RPS6KA5: variants seen among roughly 807,000 people sequenced by gnomAD.
RPS6KA5 encodes ribosomal protein S6 kinase A5, also known as ribosomal protein S6 kinase alpha-5.
RPS6KA5 carries 27 observed loss-of-function variants against 85.5 expected under a neutral mutation model. The ratio of observed to expected loss-of-function variants is 0.32; its 90% CI spans 0.23 to 0.44. The LOEUF (loss-of-function observed/expected upper bound fraction) is 0.44, where lower values mean the gene tolerates loss of function less well. Ranked by LOEUF, RPS6KA5 falls within the 20% of genes least tolerant of loss-of-function variation. The pLI, the probability that RPS6KA5 is intolerant of heterozygous loss-of-function variation, is 1.00. For missense variants in RPS6KA5, 811 were observed against 980.9 expected (o/e 0.83, Z 2.31); for synonymous variants, 334 against 348.2 (o/e 0.96, Z 0.46).
intron 5 of RPS6KA5, among the ~76,000 whole-genome samples, chr14:90,937,189 C>A (rs2037304774): frequency 6.6e-6 from 1 of 151,990 alleles, no homozygotes; most frequent in African/African-American, 2.4e-5. Context: ...TTCAGTACTA[C>A]CAGGCAGTCA....
chr14:90,924,644 T>C (rs2036568741), intron 5 of RPS6KA5, among the ~76,000 whole-genome samples: 1 of 152,202 alleles, frequency 6.6e-6, no homozygotes, highest in Non-Finnish European at 1.5e-5. Flanking sequence ...AAAATGTGAA[T>C]GAAAATTTAC....
intron 1 of RPS6KA5, among the ~76,000 whole-genome samples, chr14:91,011,755 A>C (rs1020360023): frequency 2.6e-5 from 4 of 152,198 alleles, no homozygotes; most frequent in African/African-American, 9.7e-5. Context: ...AAATATGAAA[A>C]GACGAATAGC....
rs927301928 is a variant in RPS6KA5, at chr14:90,862,395, T to C, written c.*9679A>G. On this transcript the variant is annotated 3_prime_UTR_variant, in exon 17 of 17. Coordinates refer to ENST00000614987, the MANE Select transcript of RPS6KA5 (RefSeq NM_004755.4). Reference sequence around the variant, plus strand: ...TCTTGATACCAAAACTTGACAAAAATATTAAAGACAGAAAAATTACAGGTC... The same window carrying C: ...TCTTGATACCAAAACTTGACAAAAACATTAAAGACAGAAAAATTACAGGTC... 6.6e-6 allele frequency: 1 copy of C among 152,080 alleles called. No homozygotes were observed. The highest frequency in any genetic ancestry group is 1.5e-5 in the Non-Finnish European group (1 of 68,006). The allele number at this position is 152,080 out of a possible 1,614,324, so 9.4% of individuals were successfully genotyped here. A position where few individuals can be genotyped will look rare whatever the true frequency, so the allele number is the denominator to read the frequency against.
Position 90,983,231 on chromosome 14 carries a change from C to G in RPS6KA5, c.176-4707G>C, listed in dbSNP as rs544581972. ...GGCAAAGGTTGCAGTTAGCCAAGGTCGCGCCATTTCACTCCAGCCTGGGGG... is the reference window on the plus strand; with the variant it reads ...GGCAAAGGTTGCAGTTAGCCAAGGTGGCGCCATTTCACTCCAGCCTGGGGG... On this transcript the variant is annotated intron_variant, in intron 2 of 16. Transcript: ENST00000614987. Among the ~76,000 whole-genome samples, 1,305 of 148,460 alleles carry G rather than the reference C, an allele frequency of 8.8e-3. 9 individuals carry two copies. The highest frequency in any genetic ancestry group is 0.014 in the Middle Eastern group (4 of 290).
At chr14:90,906,339 G>T in intron 7 of RPS6KA5, 40 bp from the exon 8 acceptor site, 7 of 1,293,534 alleles carry the variant, frequency 5.4e-6, no homozygotes, top group Middle Eastern at 2.2e-4. Context: ...CAAACAGGAT[G>T]ACAAAAAAAA....
At chr14:91,022,101 A>G (rs970165639) in intron 1 of RPS6KA5, among the ~76,000 whole-genome samples, 2 of 152,250 alleles carry the variant, frequency 1.3e-5, no homozygotes, top group Admixed American at 6.5e-5. Flanking sequence ...TATTGTATAC[A>G]TATGTGGTAT....
chr14:91,053,445 TA>T (rs1483959193), intron 1 of RPS6KA5, among the ~76,000 whole-genome samples: 2 of 152,154 alleles, frequency 1.3e-5, no homozygotes, highest in African/African-American at 2.4e-5. Flanking sequence ...CACAATCTTA[TA>T]AATAGAAAAT....
At chr14:90,878,441 G>GACTC in intron 14 of RPS6KA5, among the ~76,000 whole-genome samples, 1 of 152,168 alleles carries the variant, frequency 6.6e-6, no homozygotes. Context: ...CTATTTCCCT[G>GACTC]ACTCTTGCTA....
chr14:91,030,011 C>T (rs1445211599), intron 1 of RPS6KA5, among the ~76,000 whole-genome samples: 1 of 152,080 alleles, frequency 6.6e-6, no homozygotes, highest in African/African-American at 2.4e-5. Flanking sequence ...AGGTAAATGA[C>T]TCAGCAGAAT....
chr14:90,945,607 C>T lies in RPS6KA5; in HGVS notation c.510+1828G>A, dbSNP rs1286114. ...GGTAGTAAGATTAAGAGAAGGTTAA[C>T]CAAGAGTTCATTTACTATATTACTC... On this transcript the variant is annotated intron_variant, in intron 4 of 16. Coordinates refer to ENST00000614987, the MANE Select transcript of RPS6KA5 (RefSeq NM_004755.4). Among the ~76,000 whole-genome samples, 1,486 of 152,216 alleles carry T rather than the reference C, an allele frequency of 9.8e-3. 25 individuals carry two copies. Among genetic ancestry groups the T allele is most frequent in the African/African-American group, 0.034 (1,430 of 41,514 alleles).
At position 90,905,156 on chromosome 14, in the gene RPS6KA5, G is replaced by A. The variant is rs1375753218; in HGVS notation, c.957+993C>T. Among the ~76,000 whole-genome samples, 6 of 152,110 alleles carry A rather than the reference G, an allele frequency of 3.9e-5. No homozygotes were observed. The East Asian group carries it at 9.6e-4, about 24-fold the overall frequency. On this transcript the variant is annotated intron_variant, in intron 8 of 16. Coordinates refer to ENST00000614987, the MANE Select transcript of RPS6KA5 (RefSeq NM_004755.4). ...AAATAATTACATTGAGAGACTAAGA[G>A]AAATATGCCTTTTTTTGAGCACAGA... is the stretch of plus-strand genomic sequence containing the variant.
At chr14:90,900,509 C>A in intron 10 of RPS6KA5, 102 bp downstream of exon 10, 1 of 1,203,600 alleles carries the variant, frequency 8.3e-7, no homozygotes, top group South Asian at 1.9e-5. Flanking sequence ...TTTAAAATTG[C>A]ACTTTAGTTG....
intron 3 of RPS6KA5, among the ~76,000 whole-genome samples, chr14:90,956,878 T>C (rs2038541682): frequency 6.6e-6 from 1 of 151,972 alleles, no homozygotes; most frequent in South Asian, 2.1e-4. Flanking sequence ...TATATAATTT[T>C]GTCTTTCAAA....
At chr14:91,002,605 A>G (rs1300368733) in intron 1 of RPS6KA5, among the ~76,000 whole-genome samples, 1 of 152,182 alleles carries the variant, frequency 6.6e-6, no homozygotes, top group Non-Finnish European at 1.5e-5. Flanking sequence ...AAATAATTTC[A>G]ATGTCTTTCC....
At chr14:90,915,080 GA>G (rs1279724553) in intron 7 of RPS6KA5, among the ~76,000 whole-genome samples, 2 of 152,048 alleles carry the variant, frequency 1.3e-5, no homozygotes, top group African/African-American at 4.8e-5. Flanking sequence ...AGAAAGCCAA[GA>G]AAGATAATAC....
At chr14:91,037,331 G>A (rs10149337) in intron 1 of RPS6KA5, among the ~76,000 whole-genome samples, 2,007 of 152,254 alleles carry the variant, frequency 0.013, 58 homozygotes, top group African/African-American at 0.046. Context: ...CCAAATCTCT[G>A]TGGATAAAGA....
chr14:91,029,555 C>T (rs2042107276), intron 1 of RPS6KA5, among the ~76,000 whole-genome samples: 1 of 152,114 alleles, frequency 6.6e-6, no homozygotes, highest in Non-Finnish European at 1.5e-5. Context: ...TTGCATAGGA[C>T]CCATTTACTA....
chr14:90,893,833 T>C (rs2034686436), intron 13 of RPS6KA5: 1 of 205,948 alleles, frequency 4.9e-6, no homozygotes, highest in South Asian at 1.7e-4. Flanking sequence ...ACATTCTTTA[T>C]TAGCCTTTCA....
At chr14:90,962,165 C>T (rs1329909887) in intron 3 of RPS6KA5, among the ~76,000 whole-genome samples, 1 of 152,138 alleles carries the variant, frequency 6.6e-6, no homozygotes, top group African/African-American at 2.4e-5. Context: ...TTGTGTTCCA[C>T]GGGCTTACAT....
Sources: allele counts gnomAD v4.1 joint callset (sites outside exome capture counted in the v4.1 genomes callset), GRCh38; gene constraint gnomAD v4.1.1; transcripts MANE v1.5; gene names NCBI Gene and HGNC (gene_info 2026-07-23, HGNC 2026-07-21).